The following BTBD9 variants were observed in gnomAD, a reference collection of about 807,000 sequenced individuals.
The protein encoded by BTBD9 is BTB/POZ domain-containing protein 9.
In BTBD9, 49 loss-of-function variants were observed where a neutral mutation model predicts 64.3. The ratio of observed to expected loss-of-function variants is 0.76; its 90% CI spans 0.61 to 0.97. The LOEUF is 0.97. Ranked by LOEUF, BTBD9 falls within the 50% of genes least tolerant of loss-of-function variation. The pLI, the probability that BTBD9 is intolerant of heterozygous loss-of-function variation, is 0.00. For missense variants in BTBD9, 598 were observed against 762.1 expected (o/e 0.78, Z 2.53); for synonymous variants, 260 against 274.7 (o/e 0.95, Z 0.53).
chr6:38,267,409 G>A (rs1229870721), intron 8 of BTBD9, among the ~76,000 whole-genome samples: 1 of 152,194 alleles, frequency 6.6e-6, no homozygotes, highest in East Asian at 1.9e-4. Flanking sequence ...TATGACTCCT[G>A]TGAAACAAAA....
At chr6:38,485,731 G>A (rs184683392) in intron 6 of BTBD9, among the ~76,000 whole-genome samples, 1 of 152,244 alleles carries the variant, frequency 6.6e-6, no homozygotes, top group East Asian at 1.9e-4. Flanking sequence ...ATAACTCTTA[G>A]GGCCCTAGGA....
rs772980801 is a variant in BTBD9 at position 38,421,263 on chromosome 6, C to T, written c.1155-76170G>A. On this transcript the variant is annotated intron_variant, in intron 6 of 10. Transcript: ENST00000481247. ...CCCAGCTATTAGGGAAGCTGAGACACGAGAATCACTTCAACCCAGGAAGCA... is the reference window on the plus strand; with the variant it reads ...CCCAGCTATTAGGGAAGCTGAGACATGAGAATCACTTCAACCCAGGAAGCA... 5.3e-5 allele frequency among the ~76,000 whole-genome samples: 8 copies of T among 151,948 alleles called. No homozygotes were observed. In the South Asian group the frequency reaches 1.0e-3, roughly 20 times the overall value.
chr6:38,187,515 A>G (rs1027682874), intron 10 of BTBD9, among the ~76,000 whole-genome samples: 1 of 152,136 alleles, frequency 6.6e-6, no homozygotes, highest in Non-Finnish European at 1.5e-5. Context: ...AAGACAAAGG[A>G]GTCGGGGGAA....
In BTBD9 at chr6:38,448,156, T is replaced by TTCCGCAACCAAAATTC. The variant is rs11273314; in HGVS notation, c.1155-103079_1155-103064dup. Among the ~76,000 whole-genome samples, 1,335 of 152,296 alleles carry TTCCGCAACCAAAATTC rather than the reference T, an allele frequency of 8.8e-3. 15 individuals are homozygous for TTCCGCAACCAAAATTC. Among genetic ancestry groups the TTCCGCAACCAAAATTC allele is most frequent in the Non-Finnish European group, 0.014 (935 of 68,018 alleles). ...GCTTCATCCCCAGCCAAAGCCTCTC[T>TTCCGCAACCAAAATTC]TCCGCAACCAAAATTCTCCACAATA... is the stretch of plus-strand genomic sequence containing the variant. On this transcript the variant is annotated intron_variant, in intron 6 of 10. Transcript: ENST00000481247.
chr6:38,543,906 G>A (rs938945328), intron 6 of BTBD9, among the ~76,000 whole-genome samples: 6 of 150,578 alleles, frequency 4.0e-5, no homozygotes, highest in South Asian at 2.1e-4. Flanking sequence ...GCAGTGAGCC[G>A]AGATCGCGCC....
chr6:38,253,291 G>A (rs1236783754), intron 9 of BTBD9, among the ~76,000 whole-genome samples: 1 of 152,144 alleles, frequency 6.6e-6, no homozygotes, highest in Non-Finnish European at 1.5e-5. Context: ...TTACAATCAT[G>A]GCAGAAGGCG....
intron 8 of BTBD9, among the ~76,000 whole-genome samples, chr6:38,275,330 C>T (rs1363913763): frequency 1.3e-5 from 2 of 151,866 alleles, no homozygotes; most frequent in Non-Finnish European, 2.9e-5. Context: ...TTCCTTACAC[C>T]TTATACAAAA....
chr6:38,596,319 G>A (rs936847497), intron 2 of BTBD9, among the ~76,000 whole-genome samples: 4 of 152,240 alleles, frequency 2.6e-5, no homozygotes, highest in African/African-American at 4.8e-5. Flanking sequence ...GTCAATAAGC[G>A]GGGGGAGTAT....
intron 6 of BTBD9, among the ~76,000 whole-genome samples, chr6:38,475,394 CTG>C (rs1443638927): frequency 1.3e-5 from 2 of 152,192 alleles, no homozygotes; most frequent in Non-Finnish European, 2.9e-5. Context: ...AAATCTGTGG[CTG>C]TGTTTCCTAC....
chr6:38,296,877 G>A (rs1762172892), intron 7 of BTBD9, among the ~76,000 whole-genome samples: 1 of 152,170 alleles, frequency 6.6e-6, no homozygotes, highest in Non-Finnish European at 1.5e-5. Flanking sequence ...TGTGTCCGAT[G>A]TGACTTCGTA....
At chr6:38,318,768 A>G (rs1040175394) in intron 7 of BTBD9, among the ~76,000 whole-genome samples, 4 of 152,166 alleles carry the variant, frequency 2.6e-5, no homozygotes, top group African/African-American at 9.7e-5. Flanking sequence ...ACCACTACCT[A>G]GCTACCACCT....
intron 6 of BTBD9, among the ~76,000 whole-genome samples, chr6:38,454,963 TC>T (rs1460873416): frequency 6.6e-6 from 1 of 152,074 alleles, no homozygotes; most frequent in African/African-American, 2.4e-5. Context: ...AACCAACACT[TC>T]CTATAACCAG....
intron 9 of BTBD9, among the ~76,000 whole-genome samples, chr6:38,201,765 A>G (rs1040923573): frequency 6.6e-5 from 10 of 152,256 alleles, no homozygotes; most frequent in Non-Finnish European, 1.2e-4. Flanking sequence ...AAACCATCAT[A>G]CAAAATTCAG....
intron 10 of BTBD9, among the ~76,000 whole-genome samples, chr6:38,181,489 C>T (rs899224000): frequency 6.6e-6 from 1 of 152,220 alleles, no homozygotes; most frequent in Non-Finnish European, 1.5e-5. Context: ...ACCCACCCAG[C>T]GTTCAGTGAC....
At chr6:38,223,380 G>A (rs1417591775) in intron 9 of BTBD9, among the ~76,000 whole-genome samples, 1 of 152,074 alleles carries the variant, frequency 6.6e-6, no homozygotes, top group East Asian at 1.9e-4. Flanking sequence ...TGTGTCCCAG[G>A]CTAGAGTACA....
chr6:38,485,584 T>C (rs1265676151), intron 6 of BTBD9, among the ~76,000 whole-genome samples: 2 of 152,168 alleles, frequency 1.3e-5, no homozygotes, highest in East Asian at 1.9e-4. Flanking sequence ...CAGGAATATT[T>C]TGAGAGGAGC....
intron 8 of BTBD9, among the ~76,000 whole-genome samples, chr6:38,285,534 T>A (rs1243426267): frequency 6.7e-6 from 1 of 148,968 alleles, no homozygotes; most frequent in African/African-American, 2.5e-5. Flanking sequence ...GGGAGGGAGG[T>A]GTGGGGTACC....
At chr6:38,284,414 T>TCC (rs1561970806) in intron 8 of BTBD9, among the ~76,000 whole-genome samples, 1 of 152,178 alleles carries the variant, frequency 6.6e-6, no homozygotes, top group Non-Finnish European at 1.5e-5. Context: ...AGATTCAACA[T>TCC]CTCTGATTCT....
At position 38,403,629 on chromosome 6, in the gene BTBD9, G is replaced by A. The variant is rs769764343; in HGVS notation, c.1155-58536C>T. On this transcript the variant is annotated intron_variant, in intron 6 of 10. Coordinates refer to ENST00000481247, the MANE Select transcript of BTBD9 (RefSeq NM_001099272.2). ...TTAGAACCATTTCATACTACTAGCC[G>A]GAATGTAAAATGGTACAGTTTCTAT... Among the ~76,000 whole-genome samples the A allele has an allele frequency of 3.3e-4, 50 of 152,132 alleles. 1 individual carries two copies. Among genetic ancestry groups the A allele is most frequent in the East Asian group, 7.7e-4 (4 of 5,194 alleles).
Sources: gnomAD v4.1 joint callset for allele counts (sites outside exome capture counted in the v4.1 genomes callset) on GRCh38, gnomAD v4.1.1 for gene constraint, MANE v1.5 for transcripts, NCBI Gene and HGNC (gene_info 2026-07-23, HGNC 2026-07-21) for gene names.